The following PHLPP2 variants were observed in gnomAD, a reference collection of about 807,000 sequenced individuals.
PHLPP2 encodes PH domain and leucine rich repeat protein phosphatase 2, also known as PH domain leucine-rich repeat-containing protein phosphatase 2.
A neutral mutation model predicts 124.9 loss-of-function variants in PHLPP2; 66 were observed. The observed-to-expected ratio is 0.53, with a 90% CI of 0.43 to 0.65. The LOEUF is 0.65. PHLPP2 is among the 30% of genes least tolerant of loss of function. The pLI is 0.00. For synonymous variants in PHLPP2, 681 were observed against 624.7 expected, an observed-to-expected ratio of 1.09 and a Z score of -1.34; for missense variants, 1,685 against 1,600.4, an observed-to-expected ratio of 1.05 and a Z score of -0.90.
At chr16:71,723,994 A>G (rs1335896861) in intron 1 of PHLPP2, 6 of 221,004 alleles carry the variant, frequency 2.7e-5, no homozygotes, top group African/African-American at 7.1e-5. Context: ...GCGGCTCGCC[A>G]GCTCCGCCCC....
At chr16:71,681,705 T>C in intron 6 of PHLPP2, 46 bp downstream of exon 6, 1 of 1,478,272 alleles carries the variant, frequency 6.8e-7, no homozygotes. Flanking sequence ...ATACTGATTA[T>C]GAGTTGGTTT....
At chr16:71,670,608 ATAGT>A (rs74908758) in intron 10 of PHLPP2, among the ~76,000 whole-genome samples, 16,710 of 151,764 alleles carry the variant, frequency 0.11, 1,347 homozygotes, top group South Asian at 0.38. Flanking sequence ...AATTAAGAAA[ATAGT>A]TAGGGGGATT....
At chr16:71,654,204 G>GAA (rs765826548) in intron 17 of PHLPP2, among the ~76,000 whole-genome samples, 868 of 72,338 alleles carry the variant, frequency 0.012, 32 homozygotes, top group East Asian at 0.035. Flanking sequence ...TCTCAAAAAA[G>GAA]AAAAAAAAAA....
intron 12 of PHLPP2, among the ~76,000 whole-genome samples, chr16:71,665,324 A>C (rs2044829464): frequency 6.6e-6 from 1 of 152,160 alleles, no homozygotes; most frequent in South Asian, 2.1e-4. Flanking sequence ...AAAATAAACT[A>C]TACTTCCACA....
In PHLPP2 at chr16:71,676,580, C is replaced by G. The variant is rs766731979; in HGVS notation, c.1338G>C (p.Leu446=). The G allele has an allele frequency of 1.2e-6, 2 of 1,614,014 alleles. No homozygotes were observed. Among genetic ancestry groups the G allele is most frequent in the South Asian group, 2.2e-5 (2 of 91,092 alleles). The change falls in exon 9 of 19, where the codon CTG becomes CTC. Residue 446 remains leucine (L), a synonymous_variant. Transcript: ENST00000568954. ...CCAAGTCAGTCAGTCGGTTGTCCCG[C>G]AGATCCACGTGGGTGATGTGTTTAT... ...EGNKHITHVD[L]RDNRLTDLDL...
Position 71,649,112 on chromosome 16 carries a change from G to A in PHLPP2, c.3750C>T (p.Asp1250=), listed in dbSNP as rs1260951917. Residue 1250 remains aspartate (D), a synonymous_variant, in exon 19 of 19, where the codon GAC becomes GAT. Transcript: ENST00000568954. ...LSNGSIVPLE[D]SLNLIEVATE... ...TGGCCACTTCAATGAGGTTCAGGCTGTCCTCTAGGGGCACAATAGAGCCAT... is the reference window on the plus strand; with the variant it reads ...TGGCCACTTCAATGAGGTTCAGGCTATCCTCTAGGGGCACAATAGAGCCAT... 6.2e-7 allele frequency: 1 copy of A among 1,614,118 alleles called. No homozygotes were observed. Among genetic ancestry groups the A allele is most frequent in the East Asian group, 2.2e-5 (1 of 44,880 alleles).
In PHLPP2 at chr16:71,687,008, A is replaced by G. The variant is rs759541614; in HGVS notation, c.610-2407T>C. On this transcript the variant is annotated intron_variant, in intron 4 of 18. Transcript: ENST00000568954. ...ACACGTTTAATTTTACAAAAAATGAATAACTGTTTTGCAAAGTAACTTCAT... is the reference window on the plus strand; with the variant it reads ...ACACGTTTAATTTTACAAAAAATGAGTAACTGTTTTGCAAAGTAACTTCAT... Among the ~76,000 whole-genome samples the G allele has an allele frequency of 4.6e-5, 7 of 152,260 alleles. No homozygotes were observed. The South Asian group carries it at 6.2e-4, about 13-fold the overall frequency.
intron 3 of PHLPP2, chr16:71,698,752 C>T (rs2045199042): frequency 7.5e-6 from 2 of 266,878 alleles, no homozygotes; most frequent in South Asian, 8.9e-5. Context: ...ACCTACTCAA[C>T]TTGACTTTAG....
chr16:71,696,021 T>A (rs1048785477), intron 3 of PHLPP2, among the ~76,000 whole-genome samples: 2 of 152,150 alleles, frequency 1.3e-5, no homozygotes, highest in African/African-American at 2.4e-5. Flanking sequence ...ACTTGTGTAG[T>A]TAAACACCCA....
chr16:71,694,108 C>T (rs1354511287), intron 3 of PHLPP2, among the ~76,000 whole-genome samples: 8 of 151,426 alleles, frequency 5.3e-5, no homozygotes, highest in East Asian at 3.9e-4. Flanking sequence ...GCAGGAGAAT[C>T]GATTGCACCA....
At chr16:71,668,035 G>C (rs921308052) in intron 11 of PHLPP2, among the ~76,000 whole-genome samples, 1 of 152,038 alleles carries the variant, frequency 6.6e-6, no homozygotes, top group African/African-American at 2.4e-5. Context: ...CAATTCAAAT[G>C]CCATCTTCTC....
intron 4 of PHLPP2, among the ~76,000 whole-genome samples, chr16:71,687,088 A>T (rs1234759071): frequency 6.6e-6 from 1 of 152,196 alleles, no homozygotes; most frequent in African/African-American, 2.4e-5. Flanking sequence ...CAAACTTGTT[A>T]TTCATCAGTC....
At chr16:71,708,476 T>C (rs1335739180) in intron 2 of PHLPP2, among the ~76,000 whole-genome samples, 1 of 152,152 alleles carries the variant, frequency 6.6e-6, no homozygotes, top group Admixed American at 6.5e-5. Context: ...CTTTGCTGAT[T>C]CCTTTTTCCG....
intron 12 of PHLPP2, among the ~76,000 whole-genome samples, chr16:71,665,443 T>C (rs1270883028): frequency 6.6e-6 from 1 of 152,212 alleles, no homozygotes; most frequent in Non-Finnish European, 1.5e-5. Context: ...ATTTTAAAAT[T>C]TGCTAACATA....
chr16:71,661,089 T>C (rs1318900282), intron 13 of PHLPP2, among the ~76,000 whole-genome samples: 7 of 148,074 alleles, frequency 4.7e-5, no homozygotes, highest in Admixed American at 4.1e-4. Context: ...TTTTTTGAGA[T>C]AGGGTCCCGC....
rs144731535 is a variant in PHLPP2 at position 71,661,359 on chromosome 16, C to T, written c.1985+2540G>A. On this transcript the variant is annotated intron_variant, in intron 13 of 18. Transcript: ENST00000568954. ...GTGCTGGGATTACAGGCGTGAGCCACCGTGCCAGGCCTAATTCTTGTCTTT... is the reference window on the plus strand; with the variant it reads ...GTGCTGGGATTACAGGCGTGAGCCATCGTGCCAGGCCTAATTCTTGTCTTT... Among the ~76,000 whole-genome samples the T allele has an allele frequency of 7.9e-3, 1,208 of 152,294 alleles. 7 individuals carry two copies. Among genetic ancestry groups the T allele is most frequent in the Middle Eastern group, 0.024 (7 of 294 alleles).
At chr16:71,714,964 A>C in intron 1 of PHLPP2, 163 bp from the exon 2 acceptor site, 1 of 807,010 alleles carries the variant, frequency 1.2e-6, no homozygotes, top group Non-Finnish European at 1.9e-6. Context: ...ATTCGTAATA[A>C]CTCAGATAAC....
At position 71,648,141 on chromosome 16, in the gene PHLPP2, C is replaced by T. The variant is rs1186770607; in HGVS notation, c.*749G>A. 6.6e-6 allele frequency: 1 copy of T among 152,640 alleles called. No homozygotes were observed. Among genetic ancestry groups the T allele is most frequent in the Admixed American group, 6.5e-5 (1 of 15,280 alleles). The allele number at this position is 152,640 out of a possible 1,614,324, so 9.5% of individuals were successfully genotyped here. On this transcript the variant is annotated 3_prime_UTR_variant, in exon 19 of 19. Coordinates refer to ENST00000568954, the MANE Select transcript of PHLPP2 (RefSeq NM_015020.3). ...CCATGTGACTAGTCACATCACACCC[C>T]ATTAGTCTGAGATAAGGTGATTTCT...
In PHLPP2 at chr16:71,678,679, C is replaced by T. The variant is rs1348325231; in HGVS notation, c.1268+76G>A. ...ATTTTAAAAACCCTAATGTTTTAAA[C>T]AAATCTTCATAAACAGAAGACATAA... On this transcript the variant is annotated intron_variant, in intron 8 of 18. Coordinates refer to ENST00000568954, the MANE Select transcript of PHLPP2 (RefSeq NM_015020.3). The T allele has an allele frequency of 3.1e-5, 26 of 832,072 alleles. No homozygotes were observed. In the East Asian group the frequency reaches 6.1e-4, roughly 19 times the overall value. 51.5% of individuals were successfully genotyped at this position (832,072 alleles called of 1,614,324 possible).
Sources: allele counts gnomAD v4.1 joint callset (sites outside exome capture counted in the v4.1 genomes callset), GRCh38; gene constraint gnomAD v4.1.1; transcripts MANE v1.5; gene names NCBI Gene and HGNC (gene_info 2026-07-23, HGNC 2026-07-21).